GLIPR1: variants seen among roughly 807,000 people sequenced by gnomAD.
GLIPR1 encodes the protein glioma pathogenesis-related protein 1.
Under a neutral mutation model 30.3 loss-of-function variants are expected in GLIPR1, and 38 were observed. The ratio of observed to expected loss-of-function variants is 1.26; its 90% confidence interval spans 0.97 to 1.65. GLIPR1 has a LOEUF of 1.65. GLIPR1 is among the 40% of genes most tolerant of loss of function. The pLI, the probability that GLIPR1 is intolerant of heterozygous loss-of-function variation, is 0.00. For missense variants in GLIPR1, 285 were observed against 326.5 expected, an observed-to-expected ratio of 0.87 and a Z score of 0.98; for synonymous variants, 122 against 110.6, an observed-to-expected ratio of 1.10 and a Z score of -0.65.
Position 75,501,768 on chromosome 12 carries a change from C to T in GLIPR1, c.*2790C>T, listed in dbSNP as rs1462223482. The T allele has an allele frequency of 1.2e-6, 2 of 1,610,994 alleles. No individual in the cohort carries two copies. The highest frequency in any genetic ancestry group is 1.7e-6 in the Non-Finnish European group (2 of 1,178,394). ...GGTTTTTCCTTAGGTGGAATAAATG[C>T]TTTGTTTCTTTCCTCTTGTCTCTTA... On this transcript the variant is annotated 3_prime_UTR_variant, in exon 6 of 6. Coordinates refer to ENST00000266659, the MANE Select transcript of GLIPR1 (RefSeq NM_006851.3).
Position 75,499,389 on chromosome 12 carries a change from T to A in GLIPR1, c.*411T>A, listed in dbSNP as rs1218278999. 6.2e-6 allele frequency: 1 copy of A among 161,196 alleles called. No individual in the cohort carries two copies. Among genetic ancestry groups the A allele is most frequent in the Non-Finnish European group, 1.3e-5 (1 of 74,796 alleles). The allele number at this position is 161,196 out of a possible 1,614,324, so 10.0% of individuals were successfully genotyped here. A position where few individuals can be genotyped will look rare whatever the true frequency, so the allele number is the denominator to read the frequency against. On this transcript the variant is annotated 3_prime_UTR_variant, in exon 6 of 6. Coordinates refer to ENST00000266659, the MANE Select transcript of GLIPR1 (RefSeq NM_006851.3). ...TTTTTGGTTTACTACTTCCCCAGAT[T>A]CAGAACAGAGGAGTAACTAGGGGAT...
intron 2 of GLIPR1, among the ~76,000 whole-genome samples, chr12:75,485,772 G>A (rs1408098620): frequency 1.3e-5 from 2 of 151,824 alleles, no homozygotes; most frequent in Non-Finnish European, 2.9e-5. Flanking sequence ...GGATGGTCTC[G>A]ATCTCCTGAC....
chr12:75,485,574 G>T (rs1158096664), intron 2 of GLIPR1, among the ~76,000 whole-genome samples: 7 of 36,644 alleles, frequency 1.9e-4, no homozygotes, highest in Non-Finnish European at 6.1e-4. Flanking sequence ...TTTTTGAGAC[G>T]GAGTCTCGCT....
Position 75,499,655 on chromosome 12 carries a change from T to C in GLIPR1, c.*677T>C. The C allele has an allele frequency of 2.5e-6, 1 of 401,338 alleles. No homozygotes were observed. The highest frequency in any genetic ancestry group is 6.0e-5 in the South Asian group (1 of 16,734). The allele number at this position is 401,338 out of a possible 1,614,324, so 24.9% of individuals were successfully genotyped here. ...AATTTTTCAAAAAATACAATAATAA[T>C]ATAATTTATAAAGAACACTCTTCTA... On this transcript the variant is annotated 3_prime_UTR_variant, in exon 6 of 6. Transcript: ENST00000266659.
chr12:75,495,550 A>G (rs141548102), intron 3 of GLIPR1, 27 bp from the exon 4 acceptor site: 12 of 1,357,918 alleles, frequency 8.8e-6, no homozygotes, highest in Non-Finnish European at 1.3e-5. Context: ...AAAAACTTCT[A>G]ATGGACATCC....
At position 75,481,523 on chromosome 12, in the gene GLIPR1, T is replaced by C. The variant is rs563592501; in HGVS notation, c.175-311T>C. The C allele has an allele frequency of 1.7e-4, 56 of 321,306 alleles. No individual in the cohort carries two copies. In the East Asian group the frequency reaches 3.1e-3, roughly 18 times the overall value. 19.9% of individuals were successfully genotyped at this position (321,306 alleles called of 1,614,324 possible). A position where few individuals can be genotyped will look rare whatever the true frequency, so the allele number is the denominator to read the frequency against. ...TGGCTTTAAGCTGGTTTTTAACCTT[T>C]CTGAACTTCTTAGGATATGGGCTGT... On this transcript the variant is annotated intron_variant, in intron 1 of 5. Transcript: ENST00000266659.
Position 75,481,953 on chromosome 12 carries a change from G to A in GLIPR1, c.294G>A (p.Glu98=). The A allele has an allele frequency of 6.2e-7, 1 of 1,614,190 alleles. No homozygotes were observed. Among genetic ancestry groups the A allele is most frequent in the South Asian group, 1.1e-5 (1 of 91,086 alleles). ...ACCCAAACTTCACTTCACTGGGAGA[G>A]AACATCTGGACTGGGTCTGTGCCCA... ...KLHPNFTSLG[E]NIWTGSVPIF... Residue 98 remains glutamate (E), a synonymous_variant, in exon 2 of 6, where the codon GAG becomes GAA. Transcript: ENST00000266659.
chr12:75,481,884 C>T lies in GLIPR1; in HGVS notation c.225C>T (p.Cys75=), dbSNP rs140910647. The change falls in exon 2 of 6, where the codon TGC becomes TGT. Residue 75 remains cysteine, a synonymous_variant. Coordinates refer to ENST00000266659, the MANE Select transcript of GLIPR1 (RefSeq NM_006851.3). ...AQIAKAWASN[C]QFSHNTRLKP... is the part of the protein sequence containing the mutation. ...TTGCAAAAGCATGGGCCAGCAATTG[C>T]CAGTTTTCACATAATACACGGCTGA... 9.9e-6 allele frequency: 16 copies of T among 1,613,964 alleles called. No individual in the cohort carries two copies. The African/African-American group carries it at 2.0e-4, about 20-fold the overall frequency.
intron 1 of GLIPR1, 175 bp downstream of exon 1, chr12:75,481,229 C>T: frequency 6.5e-6 from 3 of 459,938 alleles, no homozygotes; most frequent in Non-Finnish European, 3.8e-6. Context: ...GTCTACCCAA[C>T]TGTTGTTATA....
chr12:75,501,350 A>C lies in GLIPR1; in HGVS notation c.*2372A>C, dbSNP rs1269423608. ...CCAAACTCTAAGCCAAGATCACATA[A>C]AGAGAAGAAAAAGTACAACTTCTGA... On this transcript the variant is annotated 3_prime_UTR_variant, in exon 6 of 6. Transcript: ENST00000266659. 5.6e-6 allele frequency: 1 copy of C among 177,360 alleles called. No individual in the cohort carries two copies. Among genetic ancestry groups the C allele is most frequent in the Non-Finnish European group, 1.2e-5 (1 of 83,680 alleles). The allele number at this position is 177,360 out of a possible 1,614,324, so 11.0% of individuals were successfully genotyped here.
chr12:75,482,981 T>C (rs898145907), intron 2 of GLIPR1, among the ~76,000 whole-genome samples: 1 of 152,112 alleles, frequency 6.6e-6, no homozygotes, highest in Non-Finnish European at 1.5e-5. Context: ...CAAAAACGTT[T>C]CTATCAAGGC....
chr12:75,481,690 G>A, intron 1 of GLIPR1, 144 bp from the exon 2 acceptor site: 1 of 713,724 alleles, frequency 1.4e-6, no homozygotes, highest in Non-Finnish European at 2.4e-6. Flanking sequence ...CCTACTCAGT[G>A]CTTGAAGACC....
At chr12:75,481,357 CTTT>C (rs72137011) in intron 1 of GLIPR1, 1,460 of 145,706 alleles carry the variant, frequency 0.01, 4 homozygotes, top group East Asian at 0.052. Context: ...ATTTGGTTTT[CTTT>C]TTTTTTTTTT....
Position 75,501,777 on chromosome 12 carries a change from T to C in GLIPR1, c.*2799T>C. On this transcript the variant is annotated 3_prime_UTR_variant, in exon 6 of 6. Coordinates refer to ENST00000266659, the MANE Select transcript of GLIPR1 (RefSeq NM_006851.3). ...TTAGGTGGAATAAATGCTTTGTTTCTTTCCTCTTGTCTCTTACTGATGGCT... is the reference window on the plus strand; with the variant it reads ...TTAGGTGGAATAAATGCTTTGTTTCCTTCCTCTTGTCTCTTACTGATGGCT... 1 of 1,611,120 alleles carries C rather than the reference T, an allele frequency of 6.2e-7. No homozygotes were observed. The highest frequency in any genetic ancestry group is 8.5e-7 in the Non-Finnish European group (1 of 1,178,420).
In GLIPR1 at chr12:75,502,360, G is replaced by A. The variant is rs2046400025; in HGVS notation, c.*3382G>A. On this transcript the variant is annotated 3_prime_UTR_variant, in exon 6 of 6. Transcript: ENST00000266659. ...GATTTAGAAATGACTGTAGGTTTCT[G>A]AGAAGACTGTAAAGACCAAAGAATA... is the stretch of plus-strand genomic sequence containing the variant. The A allele has an allele frequency of 5.8e-6, 1 of 171,530 alleles. No individual in the cohort carries two copies. Among genetic ancestry groups the A allele is most frequent in the African/African-American group, 2.4e-5 (1 of 42,152 alleles). The allele number at this position is 171,530 out of a possible 1,614,324, so 10.6% of individuals were successfully genotyped here. A position where few individuals can be genotyped will look rare whatever the true frequency, so the allele number is the denominator to read the frequency against.
chr12:75,490,551 C>CGGGGGGGGGGGGGGGGGG, intron 3 of GLIPR1, 33 bp downstream of exon 3: 1 of 117,274 alleles, frequency 8.5e-6, no homozygotes, highest in Non-Finnish European at 1.4e-5. Flanking sequence ...TTATAGGAAA[C>CGGGGGGGGGGGGGGGGGG]GCCCCCCCCC....
At chr12:75,493,326 T>C (rs918417322) in intron 3 of GLIPR1, 4 of 152,204 alleles carry the variant, frequency 2.6e-5, no homozygotes, top group African/African-American at 9.6e-5. Flanking sequence ...ATTATTTTCC[T>C]ATACACAAAA....
intron 2 of GLIPR1, among the ~76,000 whole-genome samples, chr12:75,487,530 AC>A (rs1443622155): frequency 2.0e-5 from 3 of 152,196 alleles, no homozygotes; most frequent in East Asian, 3.9e-4. Flanking sequence ...TCTAGGGAGC[AC>A]CCCTTTTAGA....
At chr12:75,488,458 AC>A (rs1416879197) in intron 2 of GLIPR1, among the ~76,000 whole-genome samples, 4 of 152,076 alleles carry the variant, frequency 2.6e-5, no homozygotes, top group African/African-American at 9.7e-5. Flanking sequence ...AATCGCTTGA[AC>A]CTGGGAGGCG....
Sources: allele counts gnomAD v4.1 joint callset (sites outside exome capture counted in the v4.1 genomes callset), GRCh38; gene constraint gnomAD v4.1.1; transcripts MANE v1.5; gene names NCBI Gene and HGNC (gene_info 2026-07-23, HGNC 2026-07-21).